ZNF566: variants seen among roughly 807,000 people sequenced by gnomAD.
The protein encoded by ZNF566 is zinc finger protein 566.
A neutral mutation model predicts 32.8 loss-of-function variants in ZNF566; 27 were observed. That is an observed-to-expected ratio of 0.82 (90% confidence interval 0.61 to 1.14). ZNF566 has a LOEUF of 1.14. Among genes scored for constraint, ZNF566 ranks in the 50% most tolerant of loss-of-function variants. The pLI, the probability that ZNF566 is intolerant of heterozygous loss-of-function variation, is 0.00. For synonymous variants in ZNF566, 154 were observed against 159.5 expected, an observed-to-expected ratio of 0.97 and a Z score of 0.26; for missense variants, 402 against 490.4, an observed-to-expected ratio of 0.82 and a Z score of 1.70.
intron 4 of ZNF566, among the ~76,000 whole-genome samples, chr19:36,460,774 T>A (rs1336157254): frequency 1.3e-5 from 2 of 152,066 alleles, no homozygotes; most frequent in Non-Finnish European, 2.9e-5. Context: ...ATAATCAAAC[T>A]GCTGAAAATC....
intron 2 of ZNF566, among the ~76,000 whole-genome samples, chr19:36,474,824 T>C (rs528156090): frequency 6.6e-6 from 1 of 152,364 alleles, no homozygotes; most frequent in South Asian, 2.1e-4. Context: ...CAACAAATGC[T>C]ATTCATATGT....
chr19:36,461,701 AT>A (rs2033467703), intron 4 of ZNF566, among the ~76,000 whole-genome samples: 1 of 152,084 alleles, frequency 6.6e-6, no homozygotes, highest in Non-Finnish European at 1.5e-5. Context: ...AAATAAAAAA[AT>A]AAAATAAATC....
intron 4 of ZNF566, among the ~76,000 whole-genome samples, chr19:36,451,600 T>C (rs2033159099): frequency 6.6e-6 from 1 of 152,126 alleles, no homozygotes; most frequent in African/African-American, 2.4e-5. Flanking sequence ...ATAAGCTTTG[T>C]TTTCTTGGGC....
Position 36,473,391 on chromosome 19 carries a change from T to C in ZNF566, c.77A>G (p.Asp26Gly). Residue 26 changes from aspartate (D) to glycine (G), a missense_variant, in exon 3 of 5, where the codon GAT becomes GGT. Physicochemically the swap from Asp to Gly is moderately conservative, Grantham distance 94 (BLOSUM62 -1). Around this residue, in one of 3 missense-constraint regions of ZNF566, gnomAD observed 220 missense variants for 241.9 expected, o/e 0.91. Transcript: ENST00000452939. The part of the protein sequence containing the change: ...SQEEWECLND[D>G]QRDLYRDVML... ...CACATCTCTGTATAAATCTCTCTGA[T>C]CATCATTCAGGCATTCCCACTCCTC... 1 of 1,613,912 alleles carries C rather than the reference T, an allele frequency of 6.2e-7. No individual in the cohort carries two copies. Among genetic ancestry groups the C allele is most frequent in the Non-Finnish European group, 8.5e-7 (1 of 1,179,840 alleles).
chr19:36,452,833 GA>G (rs905320085), intron 4 of ZNF566, among the ~76,000 whole-genome samples: 8 of 152,062 alleles, frequency 5.3e-5, no homozygotes, highest in African/African-American at 1.9e-4. Context: ...AAAGTTAGAA[GA>G]CAAGGCTGGG....
In ZNF566 at chr19:36,476,462, A is replaced by G. The variant is rs544429656; in HGVS notation, c.9+87T>C. The stretch of plus-strand genomic sequence containing the variant: ...TGAAAGGTGTTGTTTTTCTAACATC[A>G]AAAAGCATCATCATGAGGAAAGCAA... On this transcript the variant is annotated intron_variant, in intron 2 of 4. Coordinates refer to ENST00000452939, the MANE Select transcript of ZNF566 (RefSeq NM_001145344.1). The G allele has an allele frequency of 4.2e-5, 50 of 1,193,332 alleles. 1 individual carries two copies. The East Asian group carries it at 9.6e-4, about 23-fold the overall frequency. 73.9% of individuals were successfully genotyped at this position (1,193,332 alleles called of 1,614,324 possible).
chr19:36,476,231 T>C (rs1376366398), intron 2 of ZNF566: 4 of 197,076 alleles, frequency 2.0e-5, no homozygotes, highest in South Asian at 2.0e-4. Flanking sequence ...ACTTGAACCC[T>C]GGAGGCAGAG....
chr19:36,476,558 G>A lies in ZNF566; in HGVS notation c.-1C>T, dbSNP rs771345655. ...GGAAACAGTATCTCACCTGAGCCAT[G>A]GCTCTGATATTTGTAGAAAAGGACC... On this transcript the variant is annotated 5_prime_UTR_variant, in exon 2 of 5. Transcript: ENST00000452939. 2 of 1,613,410 alleles carry A rather than the reference G, an allele frequency of 1.2e-6. No homozygotes were observed. Among genetic ancestry groups the A allele is most frequent in the African/African-American group, 1.3e-5 (1 of 74,902 alleles).
chr19:36,466,277 C>A (rs911999075), intron 4 of ZNF566, among the ~76,000 whole-genome samples: 43 of 152,262 alleles, frequency 2.8e-4, no homozygotes, highest in African/African-American at 9.6e-4. Context: ...AAAAAGACAA[C>A]AATGTACAGC....
At chr19:36,479,766 C>T (rs1192156012) in intron 1 of ZNF566, among the ~76,000 whole-genome samples, 2 of 152,206 alleles carry the variant, frequency 1.3e-5, no homozygotes, top group African/African-American at 2.4e-5. Context: ...TCCTGAGAAG[C>T]GAGGAGTAGA....
At chr19:36,456,948 CAAG>C (rs2033330964) in intron 4 of ZNF566, among the ~76,000 whole-genome samples, 1 of 152,026 alleles carries the variant, frequency 6.6e-6, no homozygotes, top group African/African-American at 2.4e-5. Flanking sequence ...TAATCTTGAA[CAAG>C]AAGAACAAAG....
chr19:36,472,621 G>A (rs923621387), intron 4 of ZNF566, among the ~76,000 whole-genome samples: 1 of 152,192 alleles, frequency 6.6e-6, no homozygotes, highest in African/African-American at 2.4e-5. Flanking sequence ...AAAGGAGGAT[G>A]AGAAGCTAGG....
At chr19:36,453,145 A>C (rs1289066225) in intron 4 of ZNF566, among the ~76,000 whole-genome samples, 3 of 150,832 alleles carry the variant, frequency 2.0e-5, no homozygotes, top group African/African-American at 7.3e-5. Flanking sequence ...ACAAAAAAAC[A>C]AACAAAAAAA....
At chr19:36,489,437 C>T (rs569943568) in intron 1 of ZNF566, 49 bp downstream of exon 1, 2 of 304,306 alleles carry the variant, frequency 6.6e-6, no homozygotes, top group Non-Finnish European at 1.3e-5. Flanking sequence ...AAAGCCGAGG[C>T]TTGGCCCCCG....
intron 4 of ZNF566, among the ~76,000 whole-genome samples, chr19:36,463,530 G>A (rs1330806119): frequency 7.1e-6 from 1 of 141,472 alleles, no homozygotes; most frequent in East Asian, 2.1e-4. Context: ...CAAATTCAAT[G>A]TAATTTCTTT....
intron 4 of ZNF566, among the ~76,000 whole-genome samples, chr19:36,469,573 G>A (rs769712179): frequency 5.3e-5 from 8 of 152,062 alleles, no homozygotes; most frequent in Admixed American, 1.3e-4. Flanking sequence ...ATATTTGTGC[G>A]ACAATAGGGG....
chr19:36,482,019 T>C (rs917621921), intron 1 of ZNF566, among the ~76,000 whole-genome samples: 1 of 152,246 alleles, frequency 6.6e-6, no homozygotes, highest in Non-Finnish European at 1.5e-5. Flanking sequence ...TCTTCATTTG[T>C]GCAAAAGAAA....
At chr19:36,461,465 G>A (rs1331878854) in intron 4 of ZNF566, among the ~76,000 whole-genome samples, 1 of 152,144 alleles carries the variant, frequency 6.6e-6, no homozygotes, top group Non-Finnish European at 1.5e-5. Context: ...GAGGTCAAGA[G>A]TTTGAGACCT....
Position 36,473,378 on chromosome 19 carries a change from TA to T in ZNF566, c.89del (p.Leu30TyrfsTer5), listed in dbSNP as rs2033812180. On this transcript the variant is annotated frameshift_variant, in exon 3 of 5. Coordinates refer to ENST00000452939, the MANE Select transcript of ZNF566 (RefSeq NM_001145344.1). LOFTEE classifies it high-confidence loss of function. ...AATTCTCCAACATCACATCTCTGTA[TA>T]AATCTCTCTGATCATCATTCAGGCA... Reference protein sequence around the residue: ...WECLNDDQRDLYRDVMLENYS... With the variant: ...WECLNDDQRDXYRDVMLENYS... The T allele has an allele frequency of 6.2e-7, 1 of 1,613,896 alleles. No individual in the cohort carries two copies. Among genetic ancestry groups the T allele is most frequent in the South Asian group, 1.1e-5 (1 of 91,070 alleles).
Sources: allele counts gnomAD v4.1 joint callset (sites outside exome capture counted in the v4.1 genomes callset), GRCh38; gene constraint gnomAD v4.1.1; regional missense constraint gnomAD v4.1.1; transcripts MANE v1.5; gene names NCBI Gene and HGNC (gene_info 2026-07-23, HGNC 2026-07-21).